SCAPER: variants seen among roughly 807,000 people sequenced by gnomAD.
SCAPER encodes S-phase cyclin A associated protein in the ER.
In SCAPER, 98 loss-of-function variants were observed where a neutral mutation model predicts 182.2. That is an observed-to-expected ratio of 0.54 (90% CI 0.46 to 0.64). The LOEUF (loss-of-function observed/expected upper bound fraction) is 0.64. Among genes scored for constraint, SCAPER ranks in the 30% least tolerant of loss-of-function variants. SCAPER has a pLI of 0.00. For missense variants in SCAPER, 1,432 were observed against 1,690.0 expected (o/e 0.85, Z 2.68); for synonymous variants, 605 against 564.6 (o/e 1.07, Z -1.01).
chr15:76,654,269 A>G (rs538442773), intron 21 of SCAPER, among the ~76,000 whole-genome samples: 394 of 152,186 alleles, frequency 2.6e-3, no homozygotes, highest in Middle Eastern at 6.8e-3. Context: ...TTAGCCGGGC[A>G]TGGTGGTGGG....
intron 22 of SCAPER, among the ~76,000 whole-genome samples, chr15:76,591,361 A>T (rs2049094738): frequency 6.6e-6 from 1 of 152,256 alleles, no homozygotes; most frequent in African/African-American, 2.4e-5. Flanking sequence ...TCATATAAAT[A>T]AAGTTCTTGT....
At chr15:76,645,614 A>G (rs2054483128) in intron 21 of SCAPER, among the ~76,000 whole-genome samples, 1 of 151,986 alleles carries the variant, frequency 6.6e-6, no homozygotes, top group African/African-American at 2.4e-5. Flanking sequence ...GTCATACCTA[A>G]GTTTATCCTC....
chr15:76,582,127 G>A (rs2048314613), intron 22 of SCAPER, among the ~76,000 whole-genome samples: 1 of 152,086 alleles, frequency 6.6e-6, no homozygotes, highest in Non-Finnish European at 1.5e-5. Context: ...ACAAGAGAAA[G>A]AAATGAAGGG....
At chr15:76,652,341 T>TACAC (rs1567706982) in intron 21 of SCAPER, among the ~76,000 whole-genome samples, 2 of 7,330 alleles carry the variant, frequency 2.7e-4, no homozygotes, top group African/African-American at 8.2e-4. Context: ...CATACACATA[T>TACAC]ATACACACAC....
chr15:76,672,543 A>C (rs1448735224), intron 20 of SCAPER, among the ~76,000 whole-genome samples: 1 of 152,200 alleles, frequency 6.6e-6, no homozygotes, highest in Non-Finnish European at 1.5e-5. Context: ...AACTCAAAAA[A>C]AGATTGCAAT....
chr15:76,850,500 T>A (rs566400443), intron 4 of SCAPER, among the ~76,000 whole-genome samples: 5 of 152,248 alleles, frequency 3.3e-5, no homozygotes, highest in East Asian at 1.9e-4. Context: ...GACCAGAGTG[T>A]CACATGTCTT....
chr15:76,377,882 G>A (rs1352961092), intron 28 of SCAPER, among the ~76,000 whole-genome samples: 1 of 152,204 alleles, frequency 6.6e-6, no homozygotes, highest in East Asian at 1.9e-4. Context: ...GACTCAGCAT[G>A]TCTGTTTAGG....
chr15:76,820,045 T>C (rs2067404886), intron 5 of SCAPER, among the ~76,000 whole-genome samples: 2 of 152,100 alleles, frequency 1.3e-5, no homozygotes, highest in African/African-American at 4.8e-5. Flanking sequence ...TGAGATACCA[T>C]CTCACACCAG....
chr15:76,725,214 G>T (rs2060509685), intron 17 of SCAPER, among the ~76,000 whole-genome samples: 1 of 151,792 alleles, frequency 6.6e-6, no homozygotes, highest in African/African-American at 2.4e-5. Flanking sequence ...AAAATACTTA[G>T]GAATAAACAT....
chr15:76,844,951 G>A (rs888264594), intron 4 of SCAPER, among the ~76,000 whole-genome samples: 4 of 151,884 alleles, frequency 2.6e-5, no homozygotes, highest in Non-Finnish European at 4.4e-5. Flanking sequence ...GAACATTGAC[G>A]CAAAAATCTT....
At chr15:76,829,042 AT>A (rs1347093792) in intron 5 of SCAPER, among the ~76,000 whole-genome samples, 4 of 152,340 alleles carry the variant, frequency 2.6e-5, no homozygotes, top group Non-Finnish European at 5.9e-5. Context: ...AATTTCAAAA[AT>A]TTGAAACCAA....
intron 27 of SCAPER, among the ~76,000 whole-genome samples, chr15:76,381,934 G>A (rs1476108148): frequency 2.0e-5 from 3 of 152,158 alleles, no homozygotes; most frequent in Non-Finnish European, 4.4e-5. Flanking sequence ...TCTGGGCAAA[G>A]TTGACAGAGT....
chr15:76,366,744 T>A (rs767435837), intron 29 of SCAPER, among the ~76,000 whole-genome samples: 1 of 152,198 alleles, frequency 6.6e-6, no homozygotes, highest in African/African-American at 2.4e-5. Flanking sequence ...CCCACTTCTA[T>A]AGCCCAAGGT....
intron 27 of SCAPER, 57 bp from the exon 28 acceptor site, chr15:76,381,672 T>C: frequency 3.0e-6 from 4 of 1,337,072 alleles, no homozygotes; most frequent in South Asian, 1.3e-5. Flanking sequence ...GTTAGCAATT[T>C]GTATAGGTTA....
chr15:76,755,486 T>A (rs1269110635), intron 14 of SCAPER, among the ~76,000 whole-genome samples: 1 of 152,194 alleles, frequency 6.6e-6, no homozygotes, highest in Non-Finnish European at 1.5e-5. Context: ...ATATTTATAT[T>A]CCTTTCTAAT....
chr15:76,738,541 C>A (rs1267642369), intron 15 of SCAPER, among the ~76,000 whole-genome samples: 78 of 144,034 alleles, frequency 5.4e-4, no homozygotes, highest in Admixed American at 6.9e-4. Context: ...GACTCTGTCT[C>A]AAAAAAAAAA....
chr15:76,869,131 C>G (rs1326026120), intron 2 of SCAPER, among the ~76,000 whole-genome samples: 1 of 152,144 alleles, frequency 6.6e-6, no homozygotes, highest in Non-Finnish European at 1.5e-5. Context: ...GGATTAAAAA[C>G]TTCAAAGTAA....
intron 23 of SCAPER, among the ~76,000 whole-genome samples, chr15:76,533,074 G>T (rs1260382228): frequency 6.6e-6 from 1 of 152,216 alleles, no homozygotes; most frequent in Non-Finnish European, 1.5e-5. Flanking sequence ...ATGCAGCAAT[G>T]ATGTAGCTGG....
At chr15:76,607,305 G>T (rs187228810) in intron 22 of SCAPER, among the ~76,000 whole-genome samples, 1 of 152,132 alleles carries the variant, frequency 6.6e-6, no homozygotes, top group Non-Finnish European at 1.5e-5. Context: ...TGAAATTCTG[G>T]GTTGAAAATT....
Sources: gnomAD v4.1 joint callset for allele counts (sites outside exome capture counted in the v4.1 genomes callset) on GRCh38, gnomAD v4.1.1 for gene constraint, MANE v1.5 for transcripts, NCBI Gene and HGNC (gene_info 2026-07-23, HGNC 2026-07-21) for gene names.